The following CPNE4 variants were observed in gnomAD, a reference collection of about 807,000 sequenced individuals.
CPNE4 encodes copine-4.
Under a neutral mutation model 67.9 loss-of-function variants are expected in CPNE4, and 25 were observed. The ratio of observed to expected loss-of-function variants is 0.37; its 90% CI spans 0.27 to 0.51. CPNE4 has a LOEUF of 0.51. CPNE4 is among the 20% of genes least tolerant of loss of function. The pLI is 0.93. For missense variants in CPNE4, 464 were observed against 690.8 expected, an observed-to-expected ratio of 0.67 and a Z score of 3.68; for synonymous variants, 242 against 244.9, an observed-to-expected ratio of 0.99 and a Z score of 0.11.
intron 1 of CPNE4, among the ~76,000 whole-genome samples, chr3:131,976,902 A>G (rs2072672489): frequency 6.6e-6 from 1 of 151,960 alleles, no homozygotes; most frequent in South Asian, 2.1e-4. Flanking sequence ...CCAGGGTTCA[A>G]GCGATTCTCC....
chr3:131,559,447 A>G (rs1936641009), intron 11 of CPNE4, among the ~76,000 whole-genome samples: 1 of 151,978 alleles, frequency 6.6e-6, no homozygotes. Context: ...TATCTGTTTC[A>G]GTAAGAGCTG....
chr3:131,717,732 T>G (rs2081737022), intron 3 of CPNE4, among the ~76,000 whole-genome samples: 1 of 152,158 alleles, frequency 6.6e-6, no homozygotes, highest in Non-Finnish European at 1.5e-5. Flanking sequence ...TCAGTTTACA[T>G]AACTACTGCC....
intron 13 of CPNE4, among the ~76,000 whole-genome samples, chr3:131,550,842 A>G (rs1460575135): frequency 2.0e-5 from 3 of 152,100 alleles, no homozygotes; most frequent in Admixed American, 6.6e-5. Flanking sequence ...AGGCCATATG[A>G]GCCCAGGAAA....
At chr3:131,563,082 C>T (rs1033321974) in intron 11 of CPNE4, among the ~76,000 whole-genome samples, 1 of 152,004 alleles carries the variant, frequency 6.6e-6, no homozygotes, top group Non-Finnish European at 1.5e-5. Flanking sequence ...TTGCCCTGTC[C>T]TATTAGTTTC....
At chr3:131,854,598 T>C (rs1443519898) in intron 2 of CPNE4, among the ~76,000 whole-genome samples, 1 of 151,946 alleles carries the variant, frequency 6.6e-6, no homozygotes, top group Non-Finnish European at 1.5e-5. Flanking sequence ...AAAAATTCTA[T>C]TTCAGGATAA....
chr3:131,676,352 G>C (rs920624714), intron 6 of CPNE4, among the ~76,000 whole-genome samples: 11 of 151,940 alleles, frequency 7.2e-5, no homozygotes, highest in Admixed American at 6.6e-5. Flanking sequence ...AGCCACTGAG[G>C]CTGGCCCATT....
intron 7 of CPNE4, among the ~76,000 whole-genome samples, chr3:131,606,198 CAGG>C (rs1459366964): frequency 6.6e-6 from 1 of 152,186 alleles, no homozygotes; most frequent in Non-Finnish European, 1.5e-5. Flanking sequence ...TACTGACAGA[CAGG>C]AGGAAGTCTT....
At chr3:131,839,298 C>A (rs1407636386) in intron 2 of CPNE4, among the ~76,000 whole-genome samples, 1 of 151,768 alleles carries the variant, frequency 6.6e-6, no homozygotes, top group Non-Finnish European at 1.5e-5. Context: ...GTTATGTCCA[C>A]ACAATGGACT....
intron 1 of CPNE4, among the ~76,000 whole-genome samples, chr3:131,960,369 C>T (rs1009307195): frequency 1.3e-5 from 2 of 152,050 alleles, no homozygotes; most frequent in Admixed American, 6.6e-5. Flanking sequence ...CTAACCAAAA[C>T]TTTAGAGATA....
chr3:131,856,242 T>C (rs2086437285), intron 2 of CPNE4, among the ~76,000 whole-genome samples: 2 of 151,988 alleles, frequency 1.3e-5, no homozygotes, highest in African/African-American at 2.4e-5. Context: ...TTTATGTTTA[T>C]GGTTTATGTT....
intron 2 of CPNE4, among the ~76,000 whole-genome samples, chr3:131,852,650 G>C (rs931560511): frequency 3.3e-5 from 5 of 151,580 alleles, no homozygotes; most frequent in African/African-American, 4.8e-5. Context: ...ATAGTGTACT[G>C]CATGTTTCAG....
intron 2 of CPNE4, among the ~76,000 whole-genome samples, chr3:131,811,404 T>C (rs2084522488): frequency 6.6e-6 from 1 of 152,098 alleles, no homozygotes; most frequent in Non-Finnish European, 1.5e-5. Context: ...ATAAAGATGT[T>C]TTCCTATCTG....
At chr3:131,624,411 C>A (rs1259672485) in intron 7 of CPNE4, among the ~76,000 whole-genome samples, 2 of 152,156 alleles carry the variant, frequency 1.3e-5, no homozygotes, top group African/African-American at 4.8e-5. Flanking sequence ...GGAGAAGTAA[C>A]TTGTCCTTGC....
At chr3:131,774,195 C>T (rs572136093) in intron 2 of CPNE4, among the ~76,000 whole-genome samples, 135 of 152,154 alleles carry the variant, frequency 8.9e-4, no homozygotes, top group African/African-American at 3.2e-3. Context: ...CAGAGATGAA[C>T]CATGATTAGT....
At chr3:131,904,707 G>A (rs962034183) in intron 2 of CPNE4, among the ~76,000 whole-genome samples, 2 of 152,078 alleles carry the variant, frequency 1.3e-5, no homozygotes, top group African/African-American at 2.4e-5. Context: ...GGACTGACTT[G>A]CTCATACCTG....
At chr3:131,826,704 T>C (rs1379919890) in intron 2 of CPNE4, among the ~76,000 whole-genome samples, 2 of 152,162 alleles carry the variant, frequency 1.3e-5, no homozygotes, top group African/African-American at 2.4e-5. Flanking sequence ...CCCTCAGAAA[T>C]CCTCTTATAG....
intron 2 of CPNE4, among the ~76,000 whole-genome samples, chr3:131,753,137 G>C (rs1008646299): frequency 4.0e-5 from 6 of 151,790 alleles, no homozygotes; most frequent in African/African-American, 1.4e-4. Flanking sequence ...TAGTATTTAA[G>C]AGTATTTATT....
At chr3:131,682,763 A>T (rs556940765) in intron 6 of CPNE4, among the ~76,000 whole-genome samples, 1 of 151,996 alleles carries the variant, frequency 6.6e-6, no homozygotes, top group African/African-American at 2.4e-5. Flanking sequence ...CAGAAATGCC[A>T]TCTGGGAGCC....
upstream of CPNE4, chr3:132,037,584 T>G (rs1432926520): frequency 1.1e-5 from 17 of 1,535,912 alleles, no homozygotes; most frequent in Non-Finnish European, 1.5e-5. Flanking sequence ...TTTAATGGAT[T>G]CTGAGCTGCT....
Sources: gnomAD v4.1 joint callset for allele counts (sites outside exome capture counted in the v4.1 genomes callset) on GRCh38, gnomAD v4.1.1 for gene constraint, MANE v1.5 for transcripts, NCBI Gene and HGNC (gene_info 2026-07-23, HGNC 2026-07-21) for gene names.